B3GLCT: variants seen among roughly 807,000 people sequenced by gnomAD.
B3GLCT encodes beta-1,3-glucosyltransferase.
Under a neutral mutation model 63.4 loss-of-function variants are expected in B3GLCT, and 65 were observed. The ratio of observed to expected loss-of-function variants is 1.03; its 90% CI spans 0.84 to 1.26. The LOEUF is 1.26. B3GLCT is among the 50% of genes most tolerant of loss of function. B3GLCT has a pLI of 0.00. For synonymous variants in B3GLCT, 233 were observed against 219.2 expected (o/e 1.06, Z -0.55); for missense variants, 577 against 604.8 (o/e 0.95, Z 0.48).
At chr13:31,254,070 A>G (rs755316729) in intron 6 of B3GLCT, among the ~76,000 whole-genome samples, 1 of 152,234 alleles carries the variant, frequency 6.6e-6, no homozygotes, top group Non-Finnish European at 1.5e-5. Context: ...GGGACCAGAC[A>G]GATTCACAGC....
In B3GLCT at chr13:31,316,439, T is replaced by C. The variant is rs996891981; in HGVS notation, c.1065-1127T>C. ...TATATATATATATATATAAATTTTT[T>C]TTTTTTGAGACGGAGTTTCGCTCTT... On this transcript the variant is annotated intron_variant, in intron 12 of 14. Transcript: ENST00000343307. Among the ~76,000 whole-genome samples the C allele has an allele frequency of 1.7e-3, 38 of 22,898 alleles. No homozygotes were observed. In the East Asian group the frequency reaches 0.024, roughly 15 times the overall value. The allele number at this position is 22,898 out of a possible 152,430, so 15.0% of individuals were successfully genotyped here. A position where few individuals can be genotyped will look rare whatever the true frequency, so the allele number is the denominator to read the frequency against.
rs1875841924 is a variant in B3GLCT at position 31,330,093 on chromosome 13, A to C, written c.*425A>C. ...ATTTGTATATATAAAAAGAAGACTG[A>C]AAGTCTTTTGACATGGATATTGTGA... On this transcript the variant is annotated 3_prime_UTR_variant, in exon 15 of 15. Transcript: ENST00000343307. 9.9e-6 allele frequency: 2 copies of C among 203,036 alleles called. No individual in the cohort carries two copies. The highest frequency in any genetic ancestry group is 1.8e-4 in the South Asian group (2 of 11,416). The allele number at this position is 203,036 out of a possible 1,614,324, so 12.6% of individuals were successfully genotyped here.
At chr13:31,202,456 T>TA (rs561941131) in intron 1 of B3GLCT, among the ~76,000 whole-genome samples, 87 of 152,322 alleles carry the variant, frequency 5.7e-4, no homozygotes, top group South Asian at 3.9e-3. Context: ...TGCCACCTCT[T>TA]ACAGTTTTAA....
intron 12 of B3GLCT, among the ~76,000 whole-genome samples, chr13:31,299,251 T>C (rs979464359): frequency 1.3e-5 from 2 of 152,204 alleles, no homozygotes; most frequent in African/African-American, 4.8e-5. Flanking sequence ...AATTACCTGT[T>C]CTATTCATCT....
chr13:31,294,565 A>C (rs1000334796), intron 12 of B3GLCT, among the ~76,000 whole-genome samples: 3 of 152,120 alleles, frequency 2.0e-5, no homozygotes, highest in South Asian at 2.1e-4. Context: ...GTTGGTCTTC[A>C]ATCCTTGCTA....
intron 6 of B3GLCT, among the ~76,000 whole-genome samples, chr13:31,256,087 C>T (rs1871724262): frequency 6.6e-6 from 1 of 152,102 alleles, no homozygotes; most frequent in Admixed American, 6.5e-5. Context: ...AGAACTTAAA[C>T]AAATTTACGA....
At chr13:31,313,779 A>G (rs1301457505) in intron 12 of B3GLCT, among the ~76,000 whole-genome samples, 1 of 152,220 alleles carries the variant, frequency 6.6e-6, no homozygotes, top group African/African-American at 2.4e-5. Flanking sequence ...AAATGTCTCC[A>G]GGTCATGTCA....
At chr13:31,246,951 C>CTTTTTTTTTTTT (rs66466340) in intron 4 of B3GLCT, 72 bp from the exon 5 acceptor site, 80 of 779,638 alleles carry the variant, frequency 1.0e-4, no homozygotes, top group South Asian at 2.7e-4. Context: ...CTTTTCTTTT[C>CTTTTTTTTTTTT]TTTTTTTTTT....
intron 12 of B3GLCT, among the ~76,000 whole-genome samples, chr13:31,302,127 T>C (rs1347326131): frequency 6.6e-6 from 1 of 152,252 alleles, no homozygotes; most frequent in African/African-American, 2.4e-5. Context: ...TATTAGCATC[T>C]GTAAGACCTC....
At chr13:31,227,006 C>T (rs532815377) in intron 3 of B3GLCT, among the ~76,000 whole-genome samples, 1 of 152,186 alleles carries the variant, frequency 6.6e-6, no homozygotes, top group Admixed American at 6.5e-5. Context: ...GGTATATATA[C>T]ATTTTAATAT....
intron 12 of B3GLCT, among the ~76,000 whole-genome samples, chr13:31,308,748 C>G (rs1035508998): frequency 1.7e-4 from 26 of 152,136 alleles, no homozygotes; most frequent in Admixed American, 1.3e-4. Context: ...TTACACCATA[C>G]CCTCTAGTTT....
chr13:31,315,909 A>G (rs948371089), intron 12 of B3GLCT, among the ~76,000 whole-genome samples: 1 of 152,240 alleles, frequency 6.6e-6, no homozygotes, highest in Non-Finnish European at 1.5e-5. Flanking sequence ...GGGCCAAGGT[A>G]CAGCTTGGCT....
chr13:31,308,362 A>AAAAAC (rs144783437), intron 12 of B3GLCT, among the ~76,000 whole-genome samples: 1,501 of 61,942 alleles, frequency 0.024, 60 homozygotes, highest in Middle Eastern at 0.053. Flanking sequence ...AAAAAAAAAC[A>AAAAAC]AAAAAAAAAG....
At chr13:31,246,952 T>TTTTTTTTTTTTTTTTTCTTTTTTTTTC in intron 4 of B3GLCT, 71 bp from the exon 5 acceptor site, 1 of 372,040 alleles carries the variant, frequency 2.7e-6, no homozygotes, top group Non-Finnish European at 4.2e-6. Flanking sequence ...TTTTCTTTTC[T>TTTTTTTTTTTTTTTTTCTTTTTTTTTC]TTTTTTTTTT....
chr13:31,215,248 T>C, intron 2 of B3GLCT, 148 bp downstream of exon 2: 1 of 814,968 alleles, frequency 1.2e-6, no homozygotes, highest in South Asian at 1.6e-5. Flanking sequence ...TTTGAATCCC[T>C]AATGCAACCT....
chr13:31,237,275 GA>G (rs1200045957), intron 4 of B3GLCT, among the ~76,000 whole-genome samples: 1 of 150,908 alleles, frequency 6.6e-6, no homozygotes, highest in Non-Finnish European at 1.5e-5. Context: ...ATTAAATGCT[GA>G]AATTCACAAA....
intron 2 of B3GLCT, among the ~76,000 whole-genome samples, chr13:31,218,343 C>T (rs1253378553): frequency 6.6e-6 from 1 of 152,062 alleles, no homozygotes; most frequent in Non-Finnish European, 1.5e-5. Flanking sequence ...GCGCCTGCCA[C>T]CACATCTGAC....
chr13:31,202,515 C>G (rs888428063), intron 1 of B3GLCT, among the ~76,000 whole-genome samples: 3 of 152,148 alleles, frequency 2.0e-5, no homozygotes, highest in Non-Finnish European at 2.9e-5. Context: ...GCGAAGTAAC[C>G]CTTTAGCCCT....
chr13:31,256,511 T>G (rs1871748320), intron 6 of B3GLCT, among the ~76,000 whole-genome samples: 2 of 152,186 alleles, frequency 1.3e-5, no homozygotes, highest in Non-Finnish European at 2.9e-5. Context: ...AGCAAAGACT[T>G]GGAACCAATC....
Sources: gnomAD v4.1 joint callset for allele counts (sites outside exome capture counted in the v4.1 genomes callset) on GRCh38, gnomAD v4.1.1 for gene constraint, MANE v1.5 for transcripts, NCBI Gene and HGNC (gene_info 2026-07-23, HGNC 2026-07-21) for gene names.